Variants in NCAM2 observed in about 807,000 individuals in gnomAD.
NCAM2 encodes neural cell adhesion molecule 2, also known as N-CAM-2.
A neutral mutation model predicts 98.1 loss-of-function variants in NCAM2; 30 were observed. The observed-to-expected ratio is 0.31, with a 90% confidence interval of 0.23 to 0.41. NCAM2 has a LOEUF of 0.41. Among genes scored for constraint, NCAM2 ranks in the 10% least tolerant of loss-of-function variants. The pLI is 1.00. For missense variants in NCAM2, 867 were observed against 1,005.8 expected, an observed-to-expected ratio of 0.86 and a Z score of 1.87; for synonymous variants, 368 against 342.4, an observed-to-expected ratio of 1.07 and a Z score of -0.83.
chr21:21,056,480 A>C (rs1195949347), intron 1 of NCAM2, among the ~76,000 whole-genome samples: 1 of 130,122 alleles, frequency 7.7e-6, no homozygotes, highest in African/African-American at 2.9e-5. Context: ...AGCAAGTGAC[A>C]GAGATATGTC....
At chr21:21,186,040 A>G (rs2068631500) in intron 1 of NCAM2, among the ~76,000 whole-genome samples, 1 of 152,116 alleles carries the variant, frequency 6.6e-6, no homozygotes, top group Non-Finnish European at 1.5e-5. Flanking sequence ...CATAGATTCT[A>G]GTTATTTTCA....
At chr21:21,024,405 A>C (rs866562488) in intron 1 of NCAM2, among the ~76,000 whole-genome samples, 3 of 152,174 alleles carry the variant, frequency 2.0e-5, no homozygotes, top group Non-Finnish European at 2.9e-5. Flanking sequence ...AAACAGAGAA[A>C]ATTGAAGTAT....
intron 10 of NCAM2, among the ~76,000 whole-genome samples, chr21:21,416,925 T>C (rs867754894): frequency 7.0e-6 from 1 of 143,622 alleles, no homozygotes; most frequent in African/African-American, 2.5e-5. Context: ...ATCTATGTCG[T>C]GATGGGTGTT....
chr21:21,390,100 G>C (rs763498592), intron 9 of NCAM2, among the ~76,000 whole-genome samples: 1 of 151,918 alleles, frequency 6.6e-6, no homozygotes, highest in African/African-American at 2.4e-5. Context: ...CACCCTCCTC[G>C]GCCTCCCAAA....
chr21:21,389,028 G>C lies in NCAM2; in HGVS notation c.1195+15015G>C, dbSNP rs115447772. 6.5e-3 allele frequency among the ~76,000 whole-genome samples: 992 copies of C among 152,238 alleles called. 11 individuals carry two copies. Among genetic ancestry groups the C allele is most frequent in the African/African-American group, 0.022 (932 of 41,542 alleles). On this transcript the variant is annotated intron_variant, in intron 9 of 17. Transcript: ENST00000400546. Reference sequence around the variant, plus strand: ...GTAATCCTCAAATCTGGGTAACTGGGATATCCCTCACTTCAAACAGTTATC... The same window carrying C: ...GTAATCCTCAAATCTGGGTAACTGGCATATCCCTCACTTCAAACAGTTATC...
At position 21,280,612 on chromosome 21, in the gene NCAM2, A is replaced by G. The variant is rs1240038918; in HGVS notation, c.90A>G (p.Val30=). 5 of 1,602,558 alleles carry G rather than the reference A, an allele frequency of 3.1e-6. No homozygotes were observed. The highest frequency in any genetic ancestry group is 4.3e-6 in the Non-Finnish European group (5 of 1,175,458). ...AAGTGACAATTTCACTTAGCAAAGTAGAGCTTAGTGTTGGAGAATCTAAAT... is the reference window on the plus strand; with the variant it reads ...AAGTGACAATTTCACTTAGCAAAGTGGAGCTTAGTGTTGGAGAATCTAAAT... ...LLQVTISLSK[V]ELSVGESKFF... is the part of the protein sequence containing the mutation. The change falls in exon 2 of 18, where the codon GTA becomes GTG. Residue 30 remains valine (V), a synonymous_variant. Coordinates refer to ENST00000400546, the MANE Select transcript of NCAM2 (RefSeq NM_004540.5).
chr21:21,474,720 C>A (rs1327724917), intron 14 of NCAM2, among the ~76,000 whole-genome samples: 1 of 152,010 alleles, frequency 6.6e-6, no homozygotes, highest in Non-Finnish European at 1.5e-5. Flanking sequence ...CCTCATGGAT[C>A]CCTTGTCTTC....
intron 1 of NCAM2, among the ~76,000 whole-genome samples, chr21:21,058,043 C>G (rs1376149572): frequency 2.0e-5 from 3 of 151,048 alleles, no homozygotes; most frequent in African/African-American, 7.3e-5. Context: ...CCTTAATCAA[C>G]AGCCATCTGC....
At chr21:21,067,484 A>T (rs1421172690) in intron 1 of NCAM2, among the ~76,000 whole-genome samples, 1 of 152,134 alleles carries the variant, frequency 6.6e-6, no homozygotes, top group Non-Finnish European at 1.5e-5. Flanking sequence ...TTACCATATG[A>T]ATGTGCATTT....
chr21:21,047,024 G>C (rs954030775), intron 1 of NCAM2, among the ~76,000 whole-genome samples: 12 of 147,676 alleles, frequency 8.1e-5, no homozygotes, highest in Non-Finnish European at 6.0e-5. Context: ...AGTGTTTATA[G>C]CTGCTTTATG....
intron 12 of NCAM2, among the ~76,000 whole-genome samples, chr21:21,434,123 C>T (rs568086911): frequency 1.7e-4 from 26 of 152,310 alleles, no homozygotes; most frequent in Non-Finnish European, 2.8e-4. Flanking sequence ...CTGTCAGAGG[C>T]AGATCACTAT....
At chr21:21,398,838 C>T (rs967664596) in intron 9 of NCAM2, among the ~76,000 whole-genome samples, 2 of 152,100 alleles carry the variant, frequency 1.3e-5, no homozygotes, top group Admixed American at 6.6e-5. Context: ...AATTGACACC[C>T]TATTATAACC....
intron 1 of NCAM2, among the ~76,000 whole-genome samples, chr21:21,112,741 GA>G (rs2146532876): frequency 6.6e-6 from 1 of 152,236 alleles, no homozygotes; most frequent in African/African-American, 2.4e-5. Flanking sequence ...AGATCATAAA[GA>G]ATGCCCCATA....
chr21:21,137,236 CCATT>C (rs1318168531), intron 1 of NCAM2, among the ~76,000 whole-genome samples: 1 of 152,110 alleles, frequency 6.6e-6, no homozygotes, highest in Non-Finnish European at 1.5e-5. Context: ...AAATACACTG[CCATT>C]ATTATACTAA....
intron 8 of NCAM2, among the ~76,000 whole-genome samples, chr21:21,343,058 A>G (rs529629416): frequency 6.6e-6 from 1 of 152,312 alleles, no homozygotes; most frequent in Non-Finnish European, 1.5e-5. Context: ...CATTTAATCA[A>G]ATAATTGAAA....
chr21:21,194,555 C>T (rs891189665), intron 1 of NCAM2, among the ~76,000 whole-genome samples: 3 of 152,084 alleles, frequency 2.0e-5, no homozygotes, highest in Non-Finnish European at 2.9e-5. Context: ...TCAGTGTTTC[C>T]ATGAGTCCAG....
At chr21:21,421,843 G>A (rs958858678) in intron 11 of NCAM2, among the ~76,000 whole-genome samples, 1 of 152,190 alleles carries the variant, frequency 6.6e-6, no homozygotes, top group African/African-American at 2.4e-5. Flanking sequence ...AATGTAGTGT[G>A]AAATTTTTGT....
intron 1 of NCAM2, among the ~76,000 whole-genome samples, chr21:21,009,386 G>T (rs1370099103): frequency 6.6e-6 from 1 of 151,864 alleles, no homozygotes; most frequent in East Asian, 1.9e-4. Context: ...AATTCAGGAG[G>T]AATAACAAGG....
At chr21:21,196,504 T>C (rs1473756968) in intron 1 of NCAM2, among the ~76,000 whole-genome samples, 1 of 152,210 alleles carries the variant, frequency 6.6e-6, no homozygotes, top group African/African-American at 2.4e-5. Context: ...TTTCTTGGAC[T>C]CTACTTCACA....
Sources: gnomAD v4.1 joint callset for allele counts (sites outside exome capture counted in the v4.1 genomes callset) on GRCh38, gnomAD v4.1.1 for gene constraint, MANE v1.5 for transcripts, NCBI Gene and HGNC (gene_info 2026-07-23, HGNC 2026-07-21) for gene names.